The following FEZ1 variants were observed in gnomAD, a reference collection of about 807,000 sequenced individuals.
FEZ1 encodes fasciculation and elongation protein zeta 1.
In FEZ1, 20 loss-of-function variants were observed where a neutral mutation model predicts 49.3. The ratio of observed to expected loss-of-function variants is 0.41; its 90% CI spans 0.29 to 0.59. FEZ1 has a LOEUF of 0.59. Ranked by LOEUF, FEZ1 falls within the 20% of genes least tolerant of loss-of-function variation. FEZ1 has a pLI of 0.36. For synonymous variants in FEZ1, 170 were observed against 180.9 expected (o/e 0.94, Z 0.48); for missense variants, 413 against 476.0 (o/e 0.87, Z 1.23).
intron 3 of FEZ1, among the ~76,000 whole-genome samples, chr11:125,463,963 T>C (rs1957099443): frequency 6.6e-6 from 1 of 152,196 alleles, no homozygotes; most frequent in Non-Finnish European, 1.5e-5. Context: ...TGTTAAGGAG[T>C]TCCAACCTGG....
At chr11:125,474,118 G>A (rs760554985) in intron 3 of FEZ1, among the ~76,000 whole-genome samples, 13 of 150,958 alleles carry the variant, frequency 8.6e-5, no homozygotes, top group Non-Finnish European at 8.8e-5. Flanking sequence ...TCTGCCTCCC[G>A]GGTTCAAGCA....
At chr11:125,458,850 C>T (rs1380156341) in intron 5 of FEZ1, among the ~76,000 whole-genome samples, 1 of 151,952 alleles carries the variant, frequency 6.6e-6, no homozygotes, top group Non-Finnish European at 1.5e-5. Context: ...AGTCGGATCA[C>T]GAGGTCAAGA....
At chr11:125,468,196 T>C (rs1957150998) in intron 3 of FEZ1, among the ~76,000 whole-genome samples, 1 of 152,052 alleles carries the variant, frequency 6.6e-6, no homozygotes, top group South Asian at 2.1e-4. Flanking sequence ...TTTCTTTTTT[T>C]AAACAGAGTC....
At chr11:125,460,706 G>A in intron 4 of FEZ1, 40 bp from the exon 5 acceptor site, 3 of 1,569,290 alleles carry the variant, frequency 1.9e-6, no homozygotes, top group Non-Finnish European at 2.6e-6. Context: ...TCTGTTCTCT[G>A]CTAGAGGGGC....
intron 5 of FEZ1, 197 bp from the exon 6 acceptor site, chr11:125,456,303 G>C (rs1768060267): frequency 2.1e-6 from 1 of 482,138 alleles, no homozygotes; most frequent in South Asian, 5.5e-5. Context: ...GACTGCAGAA[G>C]AGAACACCCC....
rs1281460275 is a variant in FEZ1 at position 125,445,338 on chromosome 11, C to T, written c.*757G>A. The stretch of plus-strand genomic sequence containing the variant: ...TCCCGCAGGCCCTGAGCCTCCAGGT[C>T]CCCGTGGACAGCCTGGGGAGGGTCT... On this transcript the variant is annotated 3_prime_UTR_variant, in exon 10 of 10. Coordinates refer to ENST00000278919, the MANE Select transcript of FEZ1 (RefSeq NM_005103.5). The surrounding 1 kb of genome is among the most constrained non-coding windows in gnomAD (Gnocchi z 4.4). Among the ~76,000 whole-genome samples the T allele has an allele frequency of 6.6e-6, 1 of 152,206 alleles. No homozygotes were observed. Among genetic ancestry groups the T allele is most frequent in the Non-Finnish European group, 1.5e-5 (1 of 68,030 alleles).
At chr11:125,449,417 T>TG (rs1555177849) in intron 8 of FEZ1, among the ~76,000 whole-genome samples, 8 of 27,006 alleles carry the variant, frequency 3.0e-4, no homozygotes, top group Non-Finnish European at 3.7e-4. Context: ...TTTGTCTCTA[T>TG]AAAAAAAAAA....
intron 2 of FEZ1, among the ~76,000 whole-genome samples, chr11:125,488,057 A>AG (rs60968729): frequency 0.21 from 31,190 of 152,140 alleles, 3,460 homozygotes; most frequent in African/African-American, 0.28. Flanking sequence ...GTGATAGCTA[A>AG]GAACAATGGA....
intron 4 of FEZ1, 171 bp downstream of exon 4, chr11:125,463,313 T>C (rs1957093115): frequency 3.9e-6 from 2 of 509,408 alleles, no homozygotes; most frequent in Non-Finnish European, 7.0e-6. Flanking sequence ...CTCAAAAGTA[T>C]ATATATATAA....
chr11:125,482,405 G>T (rs544344887), intron 2 of FEZ1, among the ~76,000 whole-genome samples: 4 of 152,282 alleles, frequency 2.6e-5, no homozygotes, highest in Middle Eastern at 3.4e-3. Context: ...TTTGTTTTTA[G>T]TGGGGAAAGA....
rs566173475 is a variant in FEZ1, at chr11:125,489,984, T to C, written c.-45-162A>G. Among the ~76,000 whole-genome samples, 1 of 152,336 alleles carries C rather than the reference T, an allele frequency of 6.6e-6. No individual in the cohort carries two copies. The highest frequency in any genetic ancestry group is 1.5e-5 in the Non-Finnish European group (1 of 68,024). On this transcript the variant is annotated intron_variant, in intron 1 of 9. Coordinates refer to ENST00000278919, the MANE Select transcript of FEZ1 (RefSeq NM_005103.5). This position sits in a 1 kb window ranked among gnomAD's most constrained non-coding sequence, Gnocchi z 4.2. ...GATCGTCTAGGTTTGCATTCTGTTC[T>C]GTCCTACCAGCTGTGACCTTGGGCA... is the stretch of plus-strand genomic sequence containing the variant.
chr11:125,475,939 T>G (rs1231168907), intron 3 of FEZ1, among the ~76,000 whole-genome samples: 1 of 152,170 alleles, frequency 6.6e-6, no homozygotes, highest in South Asian at 2.1e-4. Context: ...TGGTGATATA[T>G]CCATACAACA....
intron 1 of FEZ1, among the ~76,000 whole-genome samples, chr11:125,491,053 CA>C (rs1957376743): frequency 6.6e-6 from 1 of 152,156 alleles, no homozygotes; most frequent in Non-Finnish European, 1.5e-5. Flanking sequence ...CGTGCCCAGA[CA>C]AGCACCCAAG....
intron 2 of FEZ1, among the ~76,000 whole-genome samples, chr11:125,482,974 T>TAAAAAAAA (rs56169482): frequency 1.0e-4 from 3 of 28,758 alleles, no homozygotes; most frequent in African/African-American, 1.3e-4. Flanking sequence ...CAAGACACTG[T>TAAAAAAAA]AAAAAAAAAA....
Position 125,489,135 on chromosome 11 carries a change from C to T in FEZ1, c.311+332G>A, listed in dbSNP as rs763289184. 14 of 1,014,970 alleles carry T rather than the reference C, an allele frequency of 1.4e-5. No individual in the cohort carries two copies. The highest frequency in any genetic ancestry group is 9.2e-5 in the East Asian group (1 of 10,896). 62.9% of individuals were successfully genotyped at this position (1,014,970 alleles called of 1,614,324 possible). A position where few individuals can be genotyped will look rare whatever the true frequency, so the allele number is the denominator to read the frequency against. On this transcript the variant is annotated intron_variant, in intron 2 of 9. Transcript: ENST00000278919. The surrounding 1 kb of genome is among the most constrained non-coding windows in gnomAD (Gnocchi z 4.2). Reference sequence around the variant, plus strand: ...ATCATGGTTAATTAATTTTTTCTGGCCTTTATTTCTAATATCTCGCTGGAT... The same window carrying T: ...ATCATGGTTAATTAATTTTTTCTGGTCTTTATTTCTAATATCTCGCTGGAT...
rs1957445556 is a variant in FEZ1 at position 125,495,168 on chromosome 11, C to A, written c.-46+953G>T. ...CTCCATTCACCTCCATCTCAGATCC[C>A]CCTCCTCCCCCCAGTCCGGTGGGGT... is the stretch of plus-strand genomic sequence containing the variant. On this transcript the variant is annotated intron_variant, in intron 1 of 9. Coordinates refer to ENST00000278919, the MANE Select transcript of FEZ1 (RefSeq NM_005103.5). The surrounding 1 kb of genome is among the most constrained non-coding windows in gnomAD (Gnocchi z 4.2). The A allele has an allele frequency of 2.8e-6, 1 of 353,988 alleles. No homozygotes were observed. Among genetic ancestry groups the A allele is most frequent in the Non-Finnish European group, 5.9e-6 (1 of 170,154 alleles). The allele number at this position is 353,988 out of a possible 1,614,324, so 21.9% of individuals were successfully genotyped here.
chr11:125,464,016 T>C (rs751832693), intron 3 of FEZ1, among the ~76,000 whole-genome samples: 2 of 152,186 alleles, frequency 1.3e-5, no homozygotes, highest in Non-Finnish European at 2.9e-5. Flanking sequence ...TTTTAAGGAA[T>C]AGGTTGTTCT....
chr11:125,468,698 C>G (rs1591591775), intron 3 of FEZ1, among the ~76,000 whole-genome samples: 2 of 152,224 alleles, frequency 1.3e-5, no homozygotes, highest in East Asian at 3.9e-4. Flanking sequence ...CAGACGCCGG[C>G]CCAGCAGGCT....
intron 8 of FEZ1, 65 bp downstream of exon 8, chr11:125,452,269 A>G: frequency 9.1e-7 from 1 of 1,104,634 alleles, no homozygotes; most frequent in South Asian, 1.2e-5. Flanking sequence ...GCACGGAGGT[A>G]CAACGTACAG....
Sources: gnomAD v4.1 joint callset for allele counts (sites outside exome capture counted in the v4.1 genomes callset) on GRCh38, gnomAD v4.1.1 for gene constraint, Gnocchi (gnomAD v3.1) non-coding constraint, MANE v1.5 for transcripts, NCBI Gene and HGNC (gene_info 2026-07-23, HGNC 2026-07-21) for gene names.